The following ZNF99 variants were observed in gnomAD, a reference collection of about 807,000 sequenced individuals.
The protein encoded by ZNF99 is zinc finger protein ENSP00000375192.
In ZNF99, 8 loss-of-function variants were observed where a neutral mutation model predicts 12.8. The ratio of observed to expected loss-of-function variants is 0.62; its 90% CI spans 0.37 to 1.13. ZNF99 has a LOEUF of 1.13. Among genes scored for constraint, ZNF99 ranks in the 50% most tolerant of loss-of-function variants. ZNF99 has a pLI of 0.02. For missense variants in ZNF99, 1,007 were observed against 1,006.2 expected (o/e 1.00, Z -0.01); for synonymous variants, 318 against 319.0 (o/e 1.00, Z 0.03).
At position 22,755,804 on chromosome 19, in the gene ZNF99, G is replaced by T; in HGVS notation, c.*1510C>A. Reference sequence around the variant, plus strand: ...CATTTGAAGGGTTTATCTTCAGTATGAATTATCTTACATTCAGTAAGATTT... The same window carrying T: ...CATTTGAAGGGTTTATCTTCAGTATTAATTATCTTACATTCAGTAAGATTT... On this transcript the variant is annotated 3_prime_UTR_variant, in exon 4 of 4. Coordinates refer to ENST00000596209, the MANE Select transcript of ZNF99 (RefSeq NM_001080409.3). The T allele has an allele frequency of 3.1e-6, 1 of 325,846 alleles. No homozygotes were observed. The highest frequency in any genetic ancestry group is 6.2e-6 in the Non-Finnish European group (1 of 162,492). 20.2% of individuals were successfully genotyped at this position (325,846 alleles called of 1,614,324 possible).
chr19:22,769,905 G>T, intron 1 of ZNF99: 8 of 1,360,490 alleles, frequency 5.9e-6, no homozygotes, highest in Non-Finnish European at 6.9e-6. Context: ...TTAAGGGCAT[G>T]ATAACATGTA....
Position 22,754,652 on chromosome 19 carries a change from A to C in ZNF99, c.*2662T>G. The C allele has an allele frequency of 3.0e-6, 1 of 334,980 alleles. No individual in the cohort carries two copies. The highest frequency in any genetic ancestry group is 2.5e-5 in the South Asian group (1 of 40,032). The allele number at this position is 334,980 out of a possible 1,614,324, so 20.8% of individuals were successfully genotyped here. A position where few individuals can be genotyped will look rare whatever the true frequency, so the allele number is the denominator to read the frequency against. On this transcript the variant is annotated 3_prime_UTR_variant, in exon 4 of 4. Transcript: ENST00000596209. The stretch of plus-strand genomic sequence containing the variant: ...GGTTACAGTGTTTGCCACATTCTTC[A>C]TATTTGTAGGGCTAGTTTCCATTAT...
Position 22,774,415 on chromosome 19 carries a change from C to T in ZNF99, c.4-5091G>A, listed in dbSNP as rs949203926. The stretch of plus-strand genomic sequence containing the variant: ...AAATACATCTCACAATTTCCACCAG[C>T]ACTTTTTGATGAAGATTTATAATCT... On this transcript the variant is annotated intron_variant, in intron 1 of 3. Coordinates refer to ENST00000596209, the MANE Select transcript of ZNF99 (RefSeq NM_001080409.3). The T allele has an allele frequency of 2.6e-5, 4 of 152,290 alleles. 1 individual carries two copies. The highest frequency in any genetic ancestry group is 9.7e-5 in the African/African-American group (4 of 41,446). The allele number at this position is 152,290 out of a possible 1,614,324, so 9.4% of individuals were successfully genotyped here.
intron 1 of ZNF99, among the ~76,000 whole-genome samples, chr19:22,781,403 CTT>C (rs35970718): frequency 0.063 from 5,563 of 87,916 alleles, 349 homozygotes; most frequent in African/African-American, 0.22. Context: ...ATTGGGGTCA[CTT>C]TTTTTTTTTT....
chr19:22,771,863 G>T (rs185346447), intron 1 of ZNF99, among the ~76,000 whole-genome samples: 1 of 144,252 alleles, frequency 6.9e-6, no homozygotes, highest in Non-Finnish European at 1.5e-5. Context: ...GATTACAGGC[G>T]TGTGCCACCA....
Position 22,762,314 on chromosome 19 carries a change from T to C in ZNF99, c.227-2632A>G, listed in dbSNP as rs182121719. ...GAAATGAAATGGGAGATATTACAACTGACAACACAGAAATACAAAAGATCA... is the reference window on the plus strand; with the variant it reads ...GAAATGAAATGGGAGATATTACAACCGACAACACAGAAATACAAAAGATCA... On this transcript the variant is annotated intron_variant, in intron 3 of 3. Coordinates refer to ENST00000596209, the MANE Select transcript of ZNF99 (RefSeq NM_001080409.3). 6.7e-3 allele frequency among the ~76,000 whole-genome samples: 1,025 copies of C among 152,110 alleles called. 9 individuals are homozygous for C. Among genetic ancestry groups the C allele is most frequent in the African/African-American group, 0.023 (935 of 41,500 alleles).
rs979438695 is a variant in ZNF99, at chr19:22,772,780, T to C, written c.4-3456A>G. ...ACTTGCATCTCTCAGAAAGAAAGTT[T>C]TTCTTTTTTCTCAAATCTGAAAACC... On this transcript the variant is annotated intron_variant, in intron 1 of 3. Transcript: ENST00000596209. Among the ~76,000 whole-genome samples, 3 of 152,180 alleles carry C rather than the reference T, an allele frequency of 2.0e-5. No individual in the cohort carries two copies. The East Asian group carries it at 5.8e-4, about 29-fold the overall frequency.
intron 1 of ZNF99, among the ~76,000 whole-genome samples, chr19:22,783,276 G>A (rs1187123069): frequency 6.6e-6 from 1 of 151,002 alleles, no homozygotes; most frequent in Non-Finnish European, 1.5e-5. Flanking sequence ...ACAAAACTCC[G>A]TTTCAAAAAA....
At chr19:22,776,742 A>G (rs1470467391) in intron 1 of ZNF99, among the ~76,000 whole-genome samples, 1,506 of 139,706 alleles carry the variant, frequency 0.011, no homozygotes, top group Middle Eastern at 0.015. Context: ...AGAAATAAAA[A>G]TTATTCTGTC....
At chr19:22,771,040 GC>G (rs1342215793) in intron 1 of ZNF99, 1 of 151,194 alleles carries the variant, frequency 6.6e-6, no homozygotes, top group East Asian at 2.0e-4. Flanking sequence ...CCGGGTTCAA[GC>G]GATTCTCCTG....
chr19:22,771,422 AT>A (rs1973269438), intron 1 of ZNF99, among the ~76,000 whole-genome samples: 2 of 148,458 alleles, frequency 1.3e-5, no homozygotes, highest in South Asian at 2.2e-4. Flanking sequence ...CGCCCGGCTA[AT>A]TTTTTGTATT....
In ZNF99 at chr19:22,769,473, C is replaced by A. The variant is rs532261303; in HGVS notation, c.4-149G>T. On this transcript the variant is annotated intron_variant, in intron 1 of 3. Coordinates refer to ENST00000596209, the MANE Select transcript of ZNF99 (RefSeq NM_001080409.3). ...GTATTCAGTAAAATAATTTTCAACA[C>A]AGAAATCGTCTCGGCTGGGCGCAGT... is the stretch of plus-strand genomic sequence containing the variant. 2.3e-3 allele frequency: 2,105 copies of A among 912,794 alleles called. 8 individuals are homozygous for A. The highest frequency in any genetic ancestry group is 3.0e-3 in the Non-Finnish European group (1,933 of 644,304). The allele number at this position is 912,794 out of a possible 1,614,324, so 56.5% of individuals were successfully genotyped here.
At chr19:22,773,781 G>A (rs1378742566) in intron 1 of ZNF99, 1 of 152,250 alleles carries the variant, frequency 6.6e-6, no homozygotes, top group Non-Finnish European at 1.5e-5. Context: ...CTGCCATTGA[G>A]GCAGAGCTCA....
chr19:22,759,628 G>C lies in ZNF99; in HGVS notation c.281C>G (p.Ser94Cys). The change falls in exon 4 of 4, where the codon TCT (serine) becomes TGT (cysteine). Residue 94 changes from serine to cysteine, a missense_variant. Coordinates refer to ENST00000596209, the MANE Select transcript of ZNF99 (RefSeq NM_001080409.3). Reference protein sequence around the residue: ...DFWPDQSIKDSFQEIILRTYA... With the variant: ...DFWPDQSIKDCFQEIILRTYA... ...TGTTCTCAATATTATTTCTTGGAAA[G>C]AATCTTTTATGCTCTGATCTGGCCA... 6.3e-7 allele frequency: 1 copy of C among 1,594,358 alleles called. No homozygotes were observed. The highest frequency in any genetic ancestry group is 8.5e-7 in the Non-Finnish European group (1 of 1,174,298).
chr19:22,781,097 A>AT (rs1003782149), intron 1 of ZNF99, among the ~76,000 whole-genome samples: 11 of 152,212 alleles, frequency 7.2e-5, no homozygotes, highest in African/African-American at 2.4e-4. Context: ...TTCAATATTA[A>AT]TTTTATTCTG....
At chr19:22,781,386 C>T (rs1319136959) in intron 1 of ZNF99, among the ~76,000 whole-genome samples, 1 of 146,730 alleles carries the variant, frequency 6.8e-6, no homozygotes, top group East Asian at 2.0e-4. Context: ...AGTTCTTACA[C>T]CATCTCATTG....
intron 1 of ZNF99, among the ~76,000 whole-genome samples, chr19:22,782,919 C>G (rs1005003013): frequency 6.6e-6 from 1 of 151,932 alleles, no homozygotes; most frequent in African/African-American, 2.4e-5. Context: ...TCACCCGCCT[C>G]GGCCTCCCAA....
Position 22,769,256 on chromosome 19 carries a change from A to G in ZNF99, c.72T>C (p.Ala24=), listed in dbSNP as rs1973238836. ...TAACATTCCTATATAAATTCTGCTG[A>G]GCCATGTCCAGGCATTGCCACTCCT... ...ALEEWQCLDM[A]QQNLYRNVML... The change falls in exon 2 of 4, where the codon GCT becomes GCC. Residue 24 remains alanine (A), a synonymous_variant. Transcript: ENST00000596209. 7 of 1,610,484 alleles carry G rather than the reference A, an allele frequency of 4.3e-6. No individual in the cohort carries two copies. The highest frequency in any genetic ancestry group is 5.9e-6 in the Non-Finnish European group (7 of 1,177,996).
At chr19:22,783,981 C>T (rs750545911) in intron 1 of ZNF99, 33 bp downstream of exon 1, 10 of 1,613,846 alleles carry the variant, frequency 6.2e-6, no homozygotes, top group Non-Finnish European at 8.5e-6. Flanking sequence ...CAGCCCCTTC[C>T]CCTTCTCAGG....
Sources: allele counts gnomAD v4.1 joint callset (sites outside exome capture counted in the v4.1 genomes callset), GRCh38; gene constraint gnomAD v4.1.1; transcripts MANE v1.5; gene names NCBI Gene and HGNC (gene_info 2026-07-23, HGNC 2026-07-21).